The following TLR6 variants were observed in gnomAD, a reference collection of about 807,000 sequenced individuals.
TLR6 encodes the protein toll-like receptor 6.
TLR6 carries 9 observed loss-of-function variants against 16.1 expected under a neutral mutation model. The ratio of observed to expected loss-of-function variants is 0.56; its 90% CI spans 0.34 to 0.98. The LOEUF (loss-of-function observed/expected upper bound fraction) is 0.98. Ranked by LOEUF, TLR6 falls within the 50% of genes least tolerant of loss-of-function variation. TLR6 has a pLI of 0.02. For synonymous variants in TLR6, 340 were observed against 338.6 expected, an observed-to-expected ratio of 1.00 and a Z score of -0.04; for missense variants, 786 against 921.0, an observed-to-expected ratio of 0.85 and a Z score of 1.90.
chr4:38,850,492 T>G (rs1397115145), intron 1 of TLR6, among the ~76,000 whole-genome samples: 1 of 151,760 alleles, frequency 6.6e-6, no homozygotes, highest in East Asian at 1.9e-4. Context: ...GCAAGACTAA[T>G]AAAGAAGAAA....
At chr4:38,825,251 T>C in exon 2 of TLR6, 1 of 152,230 alleles carries the variant, frequency 6.6e-6, no homozygotes, top group East Asian at 1.9e-4. Context: ...CTCACTTTAG[T>C]CATTGCACCT....
At chr4:38,826,893 CTG>C (rs1441914640) in exon 2 of TLR6, 10 of 527,184 alleles carry the variant, frequency 1.9e-5, no homozygotes, top group Non-Finnish European at 3.0e-5. Flanking sequence ...CCAGAAGAGA[CTG>C]GGCTGTCTCT....
intron 1 of TLR6, among the ~76,000 whole-genome samples, chr4:38,836,150 G>C (rs764234043): frequency 2.0e-5 from 3 of 151,670 alleles, no homozygotes; most frequent in Non-Finnish European, 4.4e-5. Flanking sequence ...CTAAACAAAA[G>C]AGATATTTAA....
At chr4:38,867,291 T>C in the TLR6 span, among the ~76,000 whole-genome samples, 10 of 152,232 alleles carry the variant, frequency 6.6e-5, no homozygotes, top group African/African-American at 2.4e-4. Flanking sequence ...TTCACAAATG[T>C]GGAATTCCTA....
intron 1 of TLR6, among the ~76,000 whole-genome samples, chr4:38,834,841 A>C (rs1472045093): frequency 1.3e-5 from 2 of 152,216 alleles, no homozygotes; most frequent in Non-Finnish European, 2.9e-5. Flanking sequence ...ACAAGCGACA[A>C]CTGAGGGAAT....
exon 2 of TLR6, chr4:38,824,626 A>C (rs1342825453): frequency 6.6e-6 from 1 of 152,196 alleles, no homozygotes; most frequent in East Asian, 1.9e-4. Flanking sequence ...ACAGTTTAAA[A>C]AATCTGTTCA....
At chr4:38,833,644 G>A (rs1337078338) in intron 1 of TLR6, among the ~76,000 whole-genome samples, 2 of 152,130 alleles carry the variant, frequency 1.3e-5, no homozygotes, top group Admixed American at 6.6e-5. Context: ...ATACAAAAGT[G>A]CAAGGAAACA....
At chr4:38,859,320 C>G (rs991207328), upstream of TLR6, among the ~76,000 whole-genome samples, 32 of 152,144 alleles carry the variant, frequency 2.1e-4, no homozygotes, top group African/African-American at 7.7e-4. Context: ...CCACCAGAGG[C>G]TGGAGAGAGC....
upstream of TLR6, among the ~76,000 whole-genome samples, chr4:38,858,098 A>C (rs1713062472): frequency 6.6e-6 from 1 of 152,230 alleles, no homozygotes; most frequent in African/African-American, 2.4e-5. Flanking sequence ...GGCTGTCATA[A>C]CTCAGAAACG....
chr4:38,853,042 T>TA (rs1311060575), intron 1 of TLR6, among the ~76,000 whole-genome samples: 1 of 142,940 alleles, frequency 7.0e-6, no homozygotes, highest in African/African-American at 2.5e-5. Flanking sequence ...CATGGAATAC[T>TA]ATGCAGCCAT....
chr4:38,857,942 G>A (rs1384271130), upstream of TLR6, among the ~76,000 whole-genome samples: 1 of 152,226 alleles, frequency 6.6e-6, no homozygotes, highest in African/African-American at 2.4e-5. Context: ...GGCTGGCTGT[G>A]GCTCTGAGGG....
At chr4:38,825,487 A>G (rs2109399596) in exon 2 of TLR6, 1 of 152,336 alleles carries the variant, frequency 6.6e-6, no homozygotes, top group East Asian at 1.9e-4. Flanking sequence ...GTAGTTAACT[A>G]TTGAATAAGG....
chr4:38,858,891 G>GAAAGA (rs1419674830), upstream of TLR6, among the ~76,000 whole-genome samples: 3 of 128,922 alleles, frequency 2.3e-5, no homozygotes, highest in South Asian at 8.2e-4. Context: ...AAGAAAGAGA[G>GAAAGA]AAAGAAAGAA....
intron 1 of TLR6, among the ~76,000 whole-genome samples, chr4:38,840,861 C>T (rs1024917861): frequency 2.0e-5 from 3 of 152,152 alleles, no homozygotes; most frequent in East Asian, 1.9e-4. Flanking sequence ...AGTGCCACAT[C>T]GAAAATAAAT....
chr4:38,832,791 C>T (rs1711678862), intron 1 of TLR6, among the ~76,000 whole-genome samples: 1 of 152,116 alleles, frequency 6.6e-6, no homozygotes, highest in Non-Finnish European at 1.5e-5. Flanking sequence ...TGCCCCGCAT[C>T]CCAGGAAACA....
At position 38,828,927 on chromosome 4, in the gene TLR6, T is replaced by C. The variant is rs779348402; in HGVS notation, c.547A>G (p.Ile183Val). 9 of 1,608,716 alleles carry C rather than the reference T, an allele frequency of 5.6e-6. No individual in the cohort carries two copies. Among genetic ancestry groups the C allele is most frequent in the Admixed American group, 5.0e-5 (3 of 59,510 alleles). ...AGACTTTCTGTCTCATTTTCTTTTA[T>C]ATAATAATTTCTTAAATCCAGAAGG... The change falls in exon 2 of 2, where the codon ATA becomes GTA. Residue 183 changes from isoleucine (I) to valine (V), a missense_variant. Ile to Val is a conservative substitution (Grantham distance 29, BLOSUM62 3). Coordinates refer to ENST00000436693, the Ensembl canonical transcript of TLR6.
chr4:38,831,284 C>A, intron 1 of TLR6, among the ~76,000 whole-genome samples: 1 of 125,396 alleles, frequency 8.0e-6, no homozygotes. Context: ...ACAATTAGAC[C>A]TCCACATGCA....
chr4:38,866,428 G>T, the TLR6 span, among the ~76,000 whole-genome samples: 1 of 151,818 alleles, frequency 6.6e-6, no homozygotes, highest in Non-Finnish European at 1.5e-5. Context: ...AGTAAGCAGA[G>T]GCTGCAGTGA....
chr4:38,826,014 T>G (rs1243771106), exon 2 of TLR6: 1 of 25,562 alleles, frequency 3.9e-5, no homozygotes, highest in Non-Finnish European at 6.6e-5. Flanking sequence ...GTGCCCACCC[T>G]CGGACTCCAG....
Sources: gnomAD v4.1 joint callset for allele counts (sites outside exome capture counted in the v4.1 genomes callset) on GRCh38, gnomAD v4.1.1 for gene constraint, MANE v1.5 for transcripts, NCBI Gene and HGNC (gene_info 2026-07-23, HGNC 2026-07-21) for gene names.